CAMTA1: variants seen among roughly 807,000 people sequenced by gnomAD.
The protein encoded by CAMTA1 is calmodulin-binding transcription activator 1.
CAMTA1 carries 27 observed loss-of-function variants against 170.9 expected under a neutral mutation model. The observed-to-expected ratio is 0.16, with a 90% confidence interval of 0.12 to 0.22. The LOEUF (loss-of-function observed/expected upper bound fraction) is 0.22. CAMTA1 is among the 10% of genes least tolerant of loss of function. The probability of loss-of-function intolerance (pLI) is 1.00; values close to 1 mark genes in which losing one functional copy is unlikely to be tolerated. For missense variants in CAMTA1, 1,619 were observed against 2,217.2 expected (o/e 0.73, Z 5.42); for synonymous variants, 833 against 891.5 (o/e 0.93, Z 1.17).
intron 3 of CAMTA1, among the ~76,000 whole-genome samples, chr1:6,835,575 G>A (rs780122133): frequency 2.6e-5 from 4 of 152,194 alleles, no homozygotes; most frequent in Non-Finnish European, 5.9e-5. Flanking sequence ...TAGGTCCTGG[G>A]TGGGGCCTGA....
chr1:7,310,678 T>TTCTTTCTTTCTTTCTTTCTCTC (rs1676483647), intron 5 of CAMTA1, among the ~76,000 whole-genome samples: 5 of 34,648 alleles, frequency 1.4e-4, no homozygotes, highest in Non-Finnish European at 1.5e-4. Flanking sequence ...TTTCCTTTCT[T>TTCTTTCTTTCTTTCTTTCTCTC]TCTCTCTCTC....
intron 5 of CAMTA1, among the ~76,000 whole-genome samples, chr1:7,391,895 G>A (rs1327926523): frequency 6.6e-6 from 1 of 152,120 alleles, no homozygotes. Flanking sequence ...ACAGCAATTT[G>A]TTTAACCATT....
intron 3 of CAMTA1, among the ~76,000 whole-genome samples, chr1:6,857,653 A>G (rs1056334282): frequency 2.6e-5 from 4 of 151,726 alleles, no homozygotes; most frequent in Non-Finnish European, 5.9e-5. Flanking sequence ...GAGCTAGACC[A>G]TAGAGGGAAG....
chr1:7,303,053 G>A (rs1359651526), intron 5 of CAMTA1, among the ~76,000 whole-genome samples: 7 of 152,254 alleles, frequency 4.6e-5, no homozygotes, highest in Admixed American at 1.3e-4. Context: ...CAGTACCACC[G>A]CCTTCCTCTT....
chr1:7,282,924 C>G (rs145879006), intron 5 of CAMTA1, among the ~76,000 whole-genome samples: 65 of 151,422 alleles, frequency 4.3e-4, no homozygotes, highest in African/African-American at 1.5e-3. Context: ...AGACAGGGAG[C>G]TCCAAGACAA....
chr1:7,345,139 A>G (rs927996355), intron 5 of CAMTA1, among the ~76,000 whole-genome samples: 2 of 152,156 alleles, frequency 1.3e-5, no homozygotes, highest in African/African-American at 2.4e-5. Flanking sequence ...AGAATCCTTC[A>G]TCCCTTTTAT....
chr1:6,881,587 C>T (rs948752726), intron 3 of CAMTA1, among the ~76,000 whole-genome samples: 5 of 152,140 alleles, frequency 3.3e-5, no homozygotes, highest in Admixed American at 6.6e-5. Flanking sequence ...TGTGCAGCCC[C>T]GCAGGGCTTG....
chr1:6,825,037 T>A, intron 2 of CAMTA1, 55 bp from the exon 3 acceptor site: 1 of 1,095,604 alleles, frequency 9.1e-7, no homozygotes. Flanking sequence ...TCAGTGTACT[T>A]TAAAGGAGAT....
chr1:7,519,094 T>C (rs2094326555), intron 6 of CAMTA1, among the ~76,000 whole-genome samples: 2 of 152,064 alleles, frequency 1.3e-5, no homozygotes, highest in South Asian at 2.1e-4. Flanking sequence ...AAAATGTTAA[T>C]ATGCAATTAA....
chr1:7,167,985 A>G (rs1175920626), intron 4 of CAMTA1, among the ~76,000 whole-genome samples: 2 of 152,056 alleles, frequency 1.3e-5, no homozygotes, highest in Admixed American at 6.6e-5. Flanking sequence ...CTGGCTTCAA[A>G]CAATCCTCCC....
At chr1:6,806,434 G>C (rs866554885) in intron 1 of CAMTA1, among the ~76,000 whole-genome samples, 1 of 152,232 alleles carries the variant, frequency 6.6e-6, no homozygotes, top group Non-Finnish European at 1.5e-5. Flanking sequence ...TATTCAATCT[G>C]AGGATCTATT....
intron 3 of CAMTA1, among the ~76,000 whole-genome samples, chr1:6,913,452 C>T (rs1055957799): frequency 6.6e-6 from 1 of 152,178 alleles, no homozygotes; most frequent in African/African-American, 2.4e-5. Flanking sequence ...ATCATGGTAA[C>T]GAGGCATTCT....
At chr1:7,079,771 C>T (rs1639774808) in intron 3 of CAMTA1, among the ~76,000 whole-genome samples, 1 of 151,944 alleles carries the variant, frequency 6.6e-6, no homozygotes, top group South Asian at 2.1e-4. Flanking sequence ...CAGTGCCCAG[C>T]AAGAAAAAAT....
chr1:7,553,120 TGAG>T (rs2094825863), intron 6 of CAMTA1, among the ~76,000 whole-genome samples: 2 of 150,454 alleles, frequency 1.3e-5, no homozygotes, highest in African/African-American at 5.0e-5. Flanking sequence ...AACGAATGAG[TGAG>T]TGAGTAAATG....
chr1:7,457,569 T>C (rs1021470407), intron 5 of CAMTA1, among the ~76,000 whole-genome samples: 2 of 152,192 alleles, frequency 1.3e-5, no homozygotes, highest in African/African-American at 4.8e-5. Context: ...CCCTGGTTCC[T>C]TTCTGGAGCA....
chr1:6,973,416 G>T (rs1020003482), intron 3 of CAMTA1, among the ~76,000 whole-genome samples: 5 of 152,106 alleles, frequency 3.3e-5, no homozygotes, highest in Non-Finnish European at 7.3e-5. Context: ...ATAGCATAGT[G>T]TCCTCTGGGC....
At chr1:7,335,930 T>C (rs1433352461) in intron 5 of CAMTA1, among the ~76,000 whole-genome samples, 1 of 152,224 alleles carries the variant, frequency 6.6e-6, no homozygotes, top group Non-Finnish European at 1.5e-5. Flanking sequence ...CTCAGAGGCA[T>C]AATTATTTAT....
intron 11 of CAMTA1, among the ~76,000 whole-genome samples, chr1:7,686,699 G>A (rs546291287): frequency 2.6e-5 from 4 of 152,248 alleles, no homozygotes; most frequent in South Asian, 4.1e-4. Flanking sequence ...TGTCTCCACC[G>A]GCACAGAGAC....
At chr1:7,710,471 A>G (rs1246641948) in intron 11 of CAMTA1, among the ~76,000 whole-genome samples, 1 of 151,882 alleles carries the variant, frequency 6.6e-6, no homozygotes, top group East Asian at 1.9e-4. Context: ...ACAGTGGCAC[A>G]CACCTATAGT....
Sources: allele counts gnomAD v4.1 joint callset (sites outside exome capture counted in the v4.1 genomes callset), GRCh38; gene constraint gnomAD v4.1.1; transcripts MANE v1.5; gene names NCBI Gene and HGNC (gene_info 2026-07-23, HGNC 2026-07-21).